Variants in PLXNA2 observed in about 807,000 individuals in gnomAD.
PLXNA2 encodes plexin-A2.
In PLXNA2, 91 loss-of-function variants were observed where a neutral mutation model predicts 193.5. That is an observed-to-expected ratio of 0.47 (90% CI 0.40 to 0.56). The LOEUF (loss-of-function observed/expected upper bound fraction) is 0.56. PLXNA2 is among the 20% of genes least tolerant of loss of function. The pLI is 0.00. For missense variants in PLXNA2, 1,995 were observed against 2,503.2 expected (o/e 0.80, Z 4.33); for synonymous variants, 997 against 1,027.3 (o/e 0.97, Z 0.56).
At position 208,084,432 on chromosome 1, in the gene PLXNA2, C is replaced by A; in HGVS notation, c.2246G>T (p.Arg749Leu). The A allele has an allele frequency of 6.2e-7, 1 of 1,614,248 alleles. No individual in the cohort carries two copies. The highest frequency in any genetic ancestry group is 8.5e-7 in the Non-Finnish European group (1 of 1,180,044). Reference protein sequence around the residue: ...CVLNIQGAIHRVPALRFNSSS... With the variant: ...CVLNIQGAIHLVPALRFNSSS... ...GCTGTTGAAGCGCAGAGCGGGGACC[C>A]GGTGGATGGCTCCTTGTATGTTGAG... is the stretch of plus-strand genomic sequence containing the variant. The change falls in exon 10 of 32, where the codon CGG becomes CTG. Residue 749 changes from arginine (R) to leucine (L), a missense_variant. Physicochemically the swap from Arg to Leu is moderately radical, Grantham distance 102. This residue lies in a region of PLXNA2 where 1,291 missense variants were observed against 1,673.6 expected (regional missense o/e 0.77). Coordinates refer to ENST00000367033, the MANE Select transcript of PLXNA2 (RefSeq NM_025179.4).
intron 3 of PLXNA2, among the ~76,000 whole-genome samples, chr1:208,200,574 C>CTT (rs1249606970): frequency 2.2e-4 from 25 of 114,744 alleles, no homozygotes; most frequent in Non-Finnish European, 3.9e-4. Flanking sequence ...TATCCCAATC[C>CTT]TTCTTTTTTT....
intron 1 of PLXNA2, among the ~76,000 whole-genome samples, chr1:208,232,942 G>T (rs1237012306): frequency 6.6e-6 from 1 of 152,240 alleles, no homozygotes; most frequent in Non-Finnish European, 1.5e-5. Flanking sequence ...CTCAAGCTTA[G>T]AAGATTTAGG....
chr1:208,169,516 T>C (rs968136732), intron 3 of PLXNA2, among the ~76,000 whole-genome samples: 2 of 152,176 alleles, frequency 1.3e-5, no homozygotes, highest in Non-Finnish European at 2.9e-5. Flanking sequence ...CGTGGCCCTG[T>C]TTGGGAATAA....
intron 13 of PLXNA2, among the ~76,000 whole-genome samples, chr1:208,058,188 C>T (rs1665502416): frequency 6.6e-6 from 1 of 152,164 alleles, no homozygotes. Flanking sequence ...AGGGAAGCAG[C>T]CTGAGGATCT....
chr1:208,125,240 T>C (rs1024121194), intron 4 of PLXNA2, among the ~76,000 whole-genome samples: 1 of 152,146 alleles, frequency 6.6e-6, no homozygotes, highest in African/African-American at 2.4e-5. Context: ...ACTAACACAA[T>C]GCGTTTGAAG....
At chr1:208,046,413 A>G (rs1169774833) in intron 17 of PLXNA2, among the ~76,000 whole-genome samples, 2 of 152,078 alleles carry the variant, frequency 1.3e-5, no homozygotes, top group African/African-American at 4.8e-5. Context: ...GTCTGGAGGG[A>G]AGACAAAGAA....
chr1:208,212,786 G>A (rs80030407), intron 2 of PLXNA2, among the ~76,000 whole-genome samples: 9,527 of 152,192 alleles, frequency 0.063, 407 homozygotes, highest in East Asian at 0.15. Flanking sequence ...TACATTGTGT[G>A]CTTCTCTTCC....
At chr1:208,051,130 TA>T (rs1665245484) in intron 16 of PLXNA2, 28 bp from the exon 17 acceptor site, 12 of 1,604,414 alleles carry the variant, frequency 7.5e-6, no homozygotes, top group Non-Finnish European at 1.0e-5. Context: ...CTCGGTTAGG[TA>T]AAAAACCCCC....
chr1:208,051,513 G>A (rs1173650544), intron 15 of PLXNA2, 90 bp from the exon 16 acceptor site: 11 of 1,003,222 alleles, frequency 1.1e-5, no homozygotes, highest in Admixed American at 1.0e-4. Context: ...CTTGGTCTGC[G>A]GGTAAGGCCA....
chr1:208,167,781 C>T, intron 3 of PLXNA2, among the ~76,000 whole-genome samples: 1 of 152,216 alleles, frequency 6.6e-6, no homozygotes, highest in Non-Finnish European at 1.5e-5. Context: ...GGTTATTTAG[C>T]AGCCCAAATA....
In PLXNA2 at chr1:208,033,589, G is replaced by A. The variant is rs553449767; in HGVS notation, c.4865-80C>T. On this transcript the variant is annotated intron_variant, in intron 27 of 31. Transcript: ENST00000367033. ...TAGAATCCTTCCAGAATCCCTGCCC[G>A]CCTGCTGCATCCACTCAGAATAAAC... 3.6e-4 allele frequency: 429 copies of A among 1,180,136 alleles called. 6 individuals carry two copies. The South Asian group carries it at 4.1e-3, about 11-fold the overall frequency. The allele number at this position is 1,180,136 out of a possible 1,614,324, so 73.1% of individuals were successfully genotyped here.
rs537578590 is a variant in PLXNA2 at position 208,173,127 on chromosome 1, C to T, written c.1372-30664G>A. ...GCTCTCAGCCTCTATAAGCCAAATG[C>T]CCTCATTTGTAAAATTTCCTTATTT... On this transcript the variant is annotated intron_variant, in intron 3 of 31. Coordinates refer to ENST00000367033, the MANE Select transcript of PLXNA2 (RefSeq NM_025179.4). Among the ~76,000 whole-genome samples, 7 of 152,306 alleles carry T rather than the reference C, an allele frequency of 4.6e-5. No individual in the cohort carries two copies. The East Asian group carries it at 1.3e-3, about 29-fold the overall frequency.
rs546129552 is a variant in PLXNA2 at position 208,087,300 on chromosome 1, A to AAC, written c.2098-2722_2098-2721dup. ...TATAACACATATGTTATCTATATGT[A>AAC]ACACACACACACACTTTCATCTTTT... On this transcript the variant is annotated intron_variant, in intron 9 of 31. Coordinates refer to ENST00000367033, the MANE Select transcript of PLXNA2 (RefSeq NM_025179.4). Among the ~76,000 whole-genome samples, 68 of 151,932 alleles carry AAC rather than the reference A, an allele frequency of 4.5e-4. 1 individual carries two copies. In the East Asian group the frequency reaches 6.2e-3, roughly 14 times the overall value.
At chr1:208,105,819 C>T (rs550385483) in intron 4 of PLXNA2, among the ~76,000 whole-genome samples, 3 of 152,218 alleles carry the variant, frequency 2.0e-5, no homozygotes, top group African/African-American at 7.2e-5. Context: ...TCTTGGGTTT[C>T]GGGCTCCTTG....
At chr1:208,182,860 T>C (rs2102549975) in intron 3 of PLXNA2, among the ~76,000 whole-genome samples, 1 of 152,206 alleles carries the variant, frequency 6.6e-6, no homozygotes, top group South Asian at 2.1e-4. Context: ...GGTGAATTAA[T>C]GCAGCTTCTG....
chr1:208,225,007 C>A (rs1280485351), intron 1 of PLXNA2, among the ~76,000 whole-genome samples: 1 of 152,102 alleles, frequency 6.6e-6, no homozygotes, highest in African/African-American at 2.4e-5. Flanking sequence ...GGAAAGAACC[C>A]ATACTCCAGG....
intron 12 of PLXNA2, among the ~76,000 whole-genome samples, chr1:208,071,723 T>A (rs930838527): frequency 2.0e-5 from 3 of 152,156 alleles, no homozygotes; most frequent in Admixed American, 6.6e-5. Flanking sequence ...CCTGACACCA[T>A]CCCCTGTTAG....
chr1:208,072,709 G>T (rs893733827), intron 12 of PLXNA2, among the ~76,000 whole-genome samples: 7 of 152,152 alleles, frequency 4.6e-5, no homozygotes, highest in African/African-American at 1.4e-4. Context: ...AGAAATGACT[G>T]CCCCAAGCTC....
chr1:208,077,844 T>C lies in PLXNA2; in HGVS notation c.2586+1416A>G, dbSNP rs528158815. Among the ~76,000 whole-genome samples the C allele has an allele frequency of 3.9e-4, 59 of 152,262 alleles. No individual in the cohort carries two copies. The Middle Eastern group carries it at 0.01, about 26-fold the overall frequency. On this transcript the variant is annotated intron_variant, in intron 12 of 31. Transcript: ENST00000367033. ...AAGTAGCTCTGTCTTTGAAAGGCAG[T>C]GTCTGTGCTCTCCTAACTCCTCTCT...
Sources: gnomAD v4.1 joint callset for allele counts (sites outside exome capture counted in the v4.1 genomes callset) on GRCh38, gnomAD v4.1.1 for gene constraint, gnomAD v4.1.1 regional missense constraint, MANE v1.5 for transcripts, NCBI Gene and HGNC (gene_info 2026-07-23, HGNC 2026-07-21) for gene names.